The following UBLCP1 variants were observed in gnomAD, a reference collection of about 807,000 sequenced individuals.
UBLCP1 encodes ubiquitin-like domain-containing CTD phosphatase 1.
In UBLCP1, 28 loss-of-function variants were observed where a neutral mutation model predicts 42.4. The ratio of observed to expected loss-of-function variants is 0.66; its 90% CI spans 0.49 to 0.90. The LOEUF is 0.90. UBLCP1 is among the 40% of genes least tolerant of loss of function. The pLI is 0.00. For synonymous variants in UBLCP1, 122 were observed against 120.8 expected, an observed-to-expected ratio of 1.01 and a Z score of -0.07; for missense variants, 279 against 374.5, an observed-to-expected ratio of 0.75 and a Z score of 2.10.
In UBLCP1 at chr5:159,285,047, C is replaced by T; in HGVS notation, c.*116C>T. 1.1e-6 allele frequency: 1 copy of T among 929,250 alleles called. No homozygotes were observed. Among genetic ancestry groups the T allele is most frequent in the East Asian group, 2.5e-5 (1 of 39,662 alleles). The allele number at this position is 929,250 out of a possible 1,614,324, so 57.6% of individuals were successfully genotyped here. A position where few individuals can be genotyped will look rare whatever the true frequency, so the allele number is the denominator to read the frequency against. On this transcript the variant is annotated 3_prime_UTR_variant, in exon 11 of 11. Transcript: ENST00000296786. ...TGAAGCAAATACCATACTGCTTATA[C>T]TTGGTCTTCCAGTTTTTTGTAAATT...
At chr5:159,263,929 T>A (rs985600520) in intron 1 of UBLCP1, among the ~76,000 whole-genome samples, 1 of 152,256 alleles carries the variant, frequency 6.6e-6, no homozygotes, top group Non-Finnish European at 1.5e-5. Flanking sequence ...AAGTTTAATT[T>A]CTTTTCAGGA....
Position 159,285,078 on chromosome 5 carries a change from T to C in UBLCP1, c.*147T>C. 3 of 719,758 alleles carry C rather than the reference T, an allele frequency of 4.2e-6. No individual in the cohort carries two copies. Among genetic ancestry groups the C allele is most frequent in the Non-Finnish European group, 6.8e-6 (3 of 443,422 alleles). 44.6% of individuals were successfully genotyped at this position (719,758 alleles called of 1,614,324 possible). On this transcript the variant is annotated 3_prime_UTR_variant, in exon 11 of 11. Coordinates refer to ENST00000296786, the MANE Select transcript of UBLCP1 (RefSeq NM_145049.5). ...CTTCCAGTTTTTTGTAAATTTAATTTTATATTTTTTGAAGATGATAGCAAT... is the reference window on the plus strand; with the variant it reads ...CTTCCAGTTTTTTGTAAATTTAATTCTATATTTTTTGAAGATGATAGCAAT...
chr5:159,278,720 G>A (rs372664467), intron 9 of UBLCP1, among the ~76,000 whole-genome samples: 4 of 151,866 alleles, frequency 2.6e-5, no homozygotes, highest in African/African-American at 4.8e-5. Flanking sequence ...TTACAGGCAC[G>A]CACCACCACA....
chr5:159,278,185 G>A, intron 8 of UBLCP1, 53 bp from the exon 9 acceptor site: 1 of 1,285,008 alleles, frequency 7.8e-7, no homozygotes, highest in Non-Finnish European at 1.1e-6. Flanking sequence ...CTGCTTTTAA[G>A]ACAGGATGAA....
At position 159,281,787 on chromosome 5, in the gene UBLCP1, C is replaced by G. The variant is rs548148341; in HGVS notation, c.802-1425C>G. 2.6e-5 allele frequency among the ~76,000 whole-genome samples: 4 copies of G among 151,884 alleles called. No individual in the cohort carries two copies. The East Asian group carries it at 7.7e-4, about 29-fold the overall frequency. On this transcript the variant is annotated intron_variant, in intron 9 of 10. Transcript: ENST00000296786. ...CCTTTGGGCTCACTCATTGTTCTTG[C>G]TTCTCAGTAAGTGACAATGATTAAA... is the stretch of plus-strand genomic sequence containing the variant.
intron 6 of UBLCP1, 187 bp from the exon 7 acceptor site, chr5:159,274,398 T>C (rs1251004313): frequency 2.0e-6 from 1 of 492,022 alleles, no homozygotes; most frequent in African/African-American, 2.0e-5. Flanking sequence ...TATTCTGTCT[T>C]GAAGACACAC....
chr5:159,283,454 G>C, intron 10 of UBLCP1, 115 bp downstream of exon 10: 1 of 914,096 alleles, frequency 1.1e-6, no homozygotes, highest in South Asian at 2.1e-5. Context: ...TAAAATAGGT[G>C]ACTTCTAAAA....
chr5:159,265,716 T>C (rs1488693626), intron 1 of UBLCP1, among the ~76,000 whole-genome samples: 1 of 152,244 alleles, frequency 6.6e-6, no homozygotes, highest in Admixed American at 6.5e-5. Flanking sequence ...CTTTTCTGTC[T>C]TCCTCATTCT....
chr5:159,272,232 T>G (rs1584738947), intron 6 of UBLCP1, 111 bp downstream of exon 6: 1 of 873,560 alleles, frequency 1.1e-6, no homozygotes, highest in African/African-American at 1.7e-5. Flanking sequence ...GAAATAGTTT[T>G]CATTTTTTAG....
intron 1 of UBLCP1, 21 bp from the exon 2 acceptor site, chr5:159,268,849 C>A: frequency 6.5e-7 from 1 of 1,536,618 alleles, no homozygotes; most frequent in South Asian, 1.2e-5. Flanking sequence ...TTAACTTGTT[C>A]ATTTTTGTCT....
rs753083550 is a variant in UBLCP1, at chr5:159,270,394, ATGT to A, written c.286_288del (p.Val96del). On this transcript the variant is annotated inframe_deletion, in exon 4 of 11. Coordinates refer to ENST00000296786, the MANE Select transcript of UBLCP1 (RefSeq NM_145049.5). The stretch of plus-strand genomic sequence containing the variant: ...TTAGGTCCACCCCCTGACAATGATG[ATGT>A]TGTTAATGACTTTGATATTGAAGAT... 1 of 1,613,530 alleles carries A rather than the reference ATGT, an allele frequency of 6.2e-7. No individual in the cohort carries two copies. Among genetic ancestry groups the A allele is most frequent in the Admixed American group, 1.7e-5 (1 of 60,002 alleles).
chr5:159,270,703 TCTTTG>T, intron 5 of UBLCP1, 60 bp downstream of exon 5: 2 of 1,168,506 alleles, frequency 1.7e-6, no homozygotes, highest in South Asian at 1.7e-5. Context: ...TTTTTTCTTT[TCTTTG>T]TTTTTTTTTT....
At chr5:159,282,107 G>C (rs939894991) in intron 9 of UBLCP1, among the ~76,000 whole-genome samples, 2 of 151,988 alleles carry the variant, frequency 1.3e-5, no homozygotes, top group Non-Finnish European at 2.9e-5. Flanking sequence ...TTCATGGATG[G>C]TTATTGTTTG....
rs1386004296 is a variant in UBLCP1 at position 159,278,147 on chromosome 5, T to C, written c.685-91T>C. ...ACAGGGGGAAAGGAACACTTTGGCA[T>C]TGTTCTGCAGGGCAGTTTGCAGTAT... On this transcript the variant is annotated intron_variant, in intron 8 of 10. Transcript: ENST00000296786. 1.3e-5 allele frequency: 11 copies of C among 824,404 alleles called. 1 individual carries two copies. In the South Asian group the frequency reaches 1.6e-4, roughly 12 times the overall value. The allele number at this position is 824,404 out of a possible 1,614,324, so 51.1% of individuals were successfully genotyped here.
chr5:159,275,363 G>T, intron 8 of UBLCP1, 117 bp downstream of exon 8: 1 of 586,710 alleles, frequency 1.7e-6, no homozygotes, highest in Non-Finnish European at 2.8e-6. Context: ...TAATAAAGTG[G>T]TTGAGTTTTG....
chr5:159,274,554 A>G (rs1214536802), intron 6 of UBLCP1, 31 bp from the exon 7 acceptor site: 1 of 1,582,290 alleles, frequency 6.3e-7, no homozygotes, highest in African/African-American at 1.4e-5. Context: ...AGCTTTTCAT[A>G]TGTATTGTAT....
intron 10 of UBLCP1, among the ~76,000 whole-genome samples, 158 bp from the exon 11 acceptor site, chr5:159,284,745 GA>G (rs1424026548): frequency 6.6e-6 from 1 of 152,172 alleles, no homozygotes; most frequent in Non-Finnish European, 1.5e-5. Flanking sequence ...CATGTACTTA[GA>G]ACTGTGCGTG....
At position 159,269,919 on chromosome 5, in the gene UBLCP1, G is replaced by A. The variant is rs1753443138; in HGVS notation, c.166G>A (p.Glu56Lys). Residue 56 changes from glutamate (E) to lysine (K), a missense_variant, in exon 3 of 11, where the codon GAA (glutamate) becomes AAA (lysine). Coordinates refer to ENST00000296786, the MANE Select transcript of UBLCP1 (RefSeq NM_145049.5). ...LGLKVKGKPA[E>K]NDVKLGALKL... is the part of the protein sequence containing the mutation. ...TGCTTGTATTGTAGGCAAACCTGCAGAAAATGATGTTAAGCTTGGAGCTCT... is the reference window on the plus strand; with the variant it reads ...TGCTTGTATTGTAGGCAAACCTGCAAAAAATGATGTTAAGCTTGGAGCTCT... The A allele has an allele frequency of 1.2e-6, 2 of 1,612,852 alleles. No homozygotes were observed. Among genetic ancestry groups the A allele is most frequent in the East Asian group, 2.2e-5 (1 of 44,770 alleles).
intron 1 of UBLCP1, among the ~76,000 whole-genome samples, chr5:159,265,015 T>C (rs1478664943): frequency 6.6e-6 from 1 of 152,252 alleles, no homozygotes; most frequent in African/African-American, 2.4e-5. Context: ...AGGTCCACTT[T>C]TAATTGAAGA....
Sources: allele counts gnomAD v4.1 joint callset (sites outside exome capture counted in the v4.1 genomes callset), GRCh38; gene constraint gnomAD v4.1.1; transcripts MANE v1.5; gene names NCBI Gene and HGNC (gene_info 2026-07-23, HGNC 2026-07-21).